Variants in MVB12B observed in about 807,000 individuals in gnomAD.
MVB12B encodes the protein multivesicular body subunit 12B.
Under a neutral mutation model 41.6 loss-of-function variants are expected in MVB12B, and 16 were observed. That is an observed-to-expected ratio of 0.38 (90% CI 0.26 to 0.58). The LOEUF (loss-of-function observed/expected upper bound fraction) is 0.58. Ranked by LOEUF, MVB12B falls within the 20% of genes least tolerant of loss-of-function variation. MVB12B has a pLI of 0.62. For synonymous variants in MVB12B, 133 were observed against 139.7 expected (o/e 0.95, Z 0.34); for missense variants, 274 against 380.2 (o/e 0.72, Z 2.32).
At chr9:126,358,215 T>C (rs1321932460) in intron 2 of MVB12B, among the ~76,000 whole-genome samples, 1 of 152,188 alleles carries the variant, frequency 6.6e-6, no homozygotes, top group African/African-American at 2.4e-5. Flanking sequence ...TTGATTACTG[T>C]AGCTTTGTAA....
intron 2 of MVB12B, among the ~76,000 whole-genome samples, chr9:126,362,953 G>A (rs13286164): frequency 0.32 from 48,425 of 152,032 alleles, 7,960 homozygotes; most frequent in South Asian, 0.41. Context: ...TTGGGAAGCC[G>A]AGGCGGGGGT....
At chr9:126,447,797 T>G (rs1438528295) in intron 7 of MVB12B, among the ~76,000 whole-genome samples, 6 of 152,370 alleles carry the variant, frequency 3.9e-5, no homozygotes, top group Non-Finnish European at 7.3e-5. Flanking sequence ...GTTCTTCTCA[T>G]GTCAGTATCA....
rs942105269 is a variant in MVB12B at position 126,486,577 on chromosome 9, C to G, written c.873+2545C>G. On this transcript the variant is annotated intron_variant, in intron 9 of 9. Coordinates refer to ENST00000361171, the MANE Select transcript of MVB12B (RefSeq NM_033446.3). The surrounding 1 kb of genome is among the most constrained non-coding windows in gnomAD (Gnocchi z 4.7). ...GTGCTGGCAGCAGCGGCCTCAGCGT[C>G]GAGCCATCTCCCCTCCCGTTCTGCT... is the stretch of plus-strand genomic sequence containing the variant. 3.3e-5 allele frequency among the ~76,000 whole-genome samples: 5 copies of G among 152,200 alleles called. No homozygotes were observed. Among genetic ancestry groups the G allele is most frequent in the Non-Finnish European group, 7.3e-5 (5 of 68,030 alleles).
chr9:126,442,082 A>G (rs913536860), intron 7 of MVB12B, among the ~76,000 whole-genome samples: 2 of 152,188 alleles, frequency 1.3e-5, no homozygotes, highest in African/African-American at 2.4e-5. Context: ...ATGCTTCCCT[A>G]TATCCCTTGA....
chr9:126,437,362 C>G (rs1390708149), intron 7 of MVB12B, among the ~76,000 whole-genome samples: 1 of 152,200 alleles, frequency 6.6e-6, no homozygotes, highest in Non-Finnish European at 1.5e-5. Context: ...ATAGTAATGA[C>G]AATGAATTTT....
At chr9:126,397,923 G>C (rs1479191084) in intron 6 of MVB12B, among the ~76,000 whole-genome samples, 1 of 151,990 alleles carries the variant, frequency 6.6e-6, no homozygotes, top group Non-Finnish European at 1.5e-5. Flanking sequence ...CTTGTGCTCC[G>C]AGTGCTGGGG....
In MVB12B at chr9:126,468,731, C is replaced by T. The variant is rs935031529; in HGVS notation, c.758-12638C>T. 3.3e-5 allele frequency among the ~76,000 whole-genome samples: 5 copies of T among 152,328 alleles called. No homozygotes were observed. The highest frequency in any genetic ancestry group is 3.9e-4 in the East Asian group (2 of 5,180). On this transcript the variant is annotated intron_variant, in intron 7 of 9. Transcript: ENST00000361171. This position sits in a 1 kb window ranked among gnomAD's most constrained non-coding sequence, Gnocchi z 4.3. ...ATTCTCCTCTCCATAGCCAGGGAGA[C>T]GCTGTTAAAACCTAAATCTCCCCAT... is the stretch of plus-strand genomic sequence containing the variant.
Position 126,333,640 on chromosome 9 carries a change from G to A in MVB12B, c.81+6630G>A, listed in dbSNP as rs7026108. Among the ~76,000 whole-genome samples, 989 of 152,272 alleles carry A rather than the reference G, an allele frequency of 6.5e-3. 14 individuals are homozygous for A. The highest frequency in any genetic ancestry group is 0.022 in the African/African-American group (927 of 41,546). ...GCTGGTCTCAAACTCCTGACCTCAA[G>A]TGATCTGCCCACCTTGGCCTCAGAG... On this transcript the variant is annotated intron_variant, in intron 1 of 9. Coordinates refer to ENST00000361171, the MANE Select transcript of MVB12B (RefSeq NM_033446.3). The surrounding 1 kb of genome is among the most constrained non-coding windows in gnomAD (Gnocchi z 4.7).
At position 126,505,626 on chromosome 9, in the gene MVB12B, TGA is replaced by T. The variant is rs1834048929; in HGVS notation, c.*2367_*2368del. The T allele has an allele frequency of 6.6e-6, 1 of 152,176 alleles. No homozygotes were observed. The highest frequency in any genetic ancestry group is 2.1e-4 in the South Asian group (1 of 4,826). The allele number at this position is 152,176 out of a possible 1,614,324, so 9.4% of individuals were successfully genotyped here. On this transcript the variant is annotated 3_prime_UTR_variant, in exon 10 of 10. Transcript: ENST00000361171. ...TCCTAACCCACCATTTATTGCCTTC[TGA>T]GAGGTGGGTGAGGACAAGCATGTGC...
intron 9 of MVB12B, among the ~76,000 whole-genome samples, chr9:126,499,065 A>T (rs1301111087): frequency 6.6e-6 from 1 of 152,132 alleles, no homozygotes; most frequent in Non-Finnish European, 1.5e-5. Context: ...TTGTGGGTAG[A>T]CCAGTAGGTT....
chr9:126,351,068 G>A lies in MVB12B; in HGVS notation c.204+10438G>A, dbSNP rs562978068. Reference sequence around the variant, plus strand: ...TTCTTCTTTCATTTCTTTCGCCAGCGTTTTGTAGTTTTCAGCAAACAAGCT... The same window carrying A: ...TTCTTCTTTCATTTCTTTCGCCAGCATTTTGTAGTTTTCAGCAAACAAGCT... On this transcript the variant is annotated intron_variant, in intron 2 of 9. Transcript: ENST00000361171. Among the ~76,000 whole-genome samples, 282 of 152,192 alleles carry A rather than the reference G, an allele frequency of 1.9e-3. 1 individual carries two copies. Among genetic ancestry groups the A allele is most frequent in the African/African-American group, 5.5e-3 (230 of 41,516 alleles).
At chr9:126,495,846 G>A (rs533486884) in intron 9 of MVB12B, among the ~76,000 whole-genome samples, 2 of 152,306 alleles carry the variant, frequency 1.3e-5, no homozygotes, top group Admixed American at 1.3e-4. Context: ...GGCCAGCACT[G>A]TGTGAACCTG....
chr9:126,358,246 T>G (rs1829934699), intron 2 of MVB12B, among the ~76,000 whole-genome samples: 1 of 152,132 alleles, frequency 6.6e-6, no homozygotes, highest in African/African-American at 2.4e-5. Context: ...CACCAGGTAG[T>G]CTTTTAACTT....
At chr9:126,378,441 C>T (rs1830543234) in intron 2 of MVB12B, among the ~76,000 whole-genome samples, 1 of 152,166 alleles carries the variant, frequency 6.6e-6, no homozygotes, top group Non-Finnish European at 1.5e-5. Context: ...CTTGTTCCAC[C>T]AGGGCTGCCT....
intron 1 of MVB12B, among the ~76,000 whole-genome samples, chr9:126,329,137 A>G (rs1829060463): frequency 6.6e-6 from 1 of 152,092 alleles, no homozygotes; most frequent in Admixed American, 6.5e-5. Context: ...TAGAAAGAAC[A>G]CTGGACTTGG....
intron 6 of MVB12B, among the ~76,000 whole-genome samples, chr9:126,416,267 C>T (rs545632486): frequency 3.5e-4 from 54 of 152,318 alleles, no homozygotes; most frequent in African/African-American, 1.1e-3. Flanking sequence ...TGCCTGGTTC[C>T]GTGCTGTCAA....
At chr9:126,484,112 G>T (rs909724838) in intron 9 of MVB12B, 80 bp downstream of exon 9, 3 of 1,354,330 alleles carry the variant, frequency 2.2e-6, no homozygotes, top group Non-Finnish European at 3.2e-6. Context: ...TTCCCCTAGG[G>T]ATCCACTCCA....
intron 9 of MVB12B, among the ~76,000 whole-genome samples, chr9:126,485,905 G>A (rs559970278): frequency 3.9e-5 from 6 of 152,174 alleles, no homozygotes; most frequent in African/African-American, 1.2e-4. Flanking sequence ...GCAGTCACAC[G>A]CCACAGCCAG....
intron 6 of MVB12B, among the ~76,000 whole-genome samples, chr9:126,419,168 A>C (rs550215862): frequency 6.6e-6 from 1 of 152,262 alleles, no homozygotes; most frequent in East Asian, 1.9e-4. Context: ...ACCGCACTGC[A>C]CAAATCGCTC....
Sources: allele counts gnomAD v4.1 joint callset (sites outside exome capture counted in the v4.1 genomes callset), GRCh38; gene constraint gnomAD v4.1.1; non-coding constraint Gnocchi (gnomAD v3.1); transcripts MANE v1.5; gene names NCBI Gene and HGNC (gene_info 2026-07-23, HGNC 2026-07-21).